Variants in ATXN1 observed in about 807,000 individuals in gnomAD.
ATXN1 encodes the protein ataxin 1, also known as ataxin-1.
Under a neutral mutation model 56.4 loss-of-function variants are expected in ATXN1, and 8 were observed. The ratio of observed to expected loss-of-function variants is 0.14; its 90% CI spans 0.08 to 0.26. ATXN1 has a LOEUF of 0.26. Among genes scored for constraint, ATXN1 ranks in the 10% least tolerant of loss-of-function variants. The pLI, the probability that ATXN1 is intolerant of heterozygous loss-of-function variation, is 1.00. For synonymous variants in ATXN1, 514 were observed against 494.6 expected (o/e 1.04, Z -0.52); for missense variants, 987 against 1,106.5 (o/e 0.89, Z 1.53).
intron 3 of ATXN1, among the ~76,000 whole-genome samples, chr6:16,593,990 CTAAT>C (rs1762769636): frequency 6.8e-6 from 1 of 147,370 alleles, no homozygotes; most frequent in Non-Finnish European, 1.5e-5. Context: ...ATATATTAGA[CTAAT>C]ATATGTCTAT....
At chr6:16,678,976 C>T (rs1581357689) in intron 2 of ATXN1, among the ~76,000 whole-genome samples, 1 of 150,612 alleles carries the variant, frequency 6.6e-6, no homozygotes, top group South Asian at 2.1e-4. Context: ...ACAGAGGTTG[C>T]GGTAAGCCGA....
chr6:16,576,660 T>C (rs1044328256), intron 4 of ATXN1, among the ~76,000 whole-genome samples: 10 of 152,228 alleles, frequency 6.6e-5, no homozygotes, highest in Non-Finnish European at 1.0e-4. Flanking sequence ...TTCTAATTAA[T>C]GTCAATGTGT....
At chr6:16,421,736 A>G (rs1759037773) in intron 6 of ATXN1, among the ~76,000 whole-genome samples, 1 of 148,344 alleles carries the variant, frequency 6.7e-6, no homozygotes, top group Non-Finnish European at 1.5e-5. Flanking sequence ...GTGAGTGCAC[A>G]CAAATGCACA....
At chr6:16,591,100 C>T (rs368062098) in intron 3 of ATXN1, among the ~76,000 whole-genome samples, 2 of 151,488 alleles carry the variant, frequency 1.3e-5, no homozygotes, top group Non-Finnish European at 2.9e-5. Context: ...TGATTACAGG[C>T]GTGAGCCACT....
chr6:16,566,834 C>CTG (rs1762231989), intron 4 of ATXN1, among the ~76,000 whole-genome samples: 1 of 151,838 alleles, frequency 6.6e-6, no homozygotes, highest in Non-Finnish European at 1.5e-5. Flanking sequence ...CCAGCCTGGG[C>CTG]AACAGAGTGA....
chr6:16,331,008 GT>G (rs551329133), intron 6 of ATXN1, among the ~76,000 whole-genome samples: 1 of 149,234 alleles, frequency 6.7e-6, no homozygotes, highest in African/African-American at 2.5e-5. Context: ...CAACCCAGGT[GT>G]TTTTTTTTTG....
At chr6:16,490,183 C>T (rs1021300108) in intron 5 of ATXN1, among the ~76,000 whole-genome samples, 35 of 151,210 alleles carry the variant, frequency 2.3e-4, no homozygotes, top group African/African-American at 8.3e-4. Context: ...ACTTCACACA[C>T]TATATTACCC....
At chr6:16,596,759 T>G (rs946187140) in intron 3 of ATXN1, among the ~76,000 whole-genome samples, 4 of 152,156 alleles carry the variant, frequency 2.6e-5, no homozygotes, top group African/African-American at 9.7e-5. Context: ...GCAGCATTTG[T>G]CAAAGGGGAG....
intron 7 of ATXN1, among the ~76,000 whole-genome samples, chr6:16,314,461 A>G (rs1760466047): frequency 1.3e-5 from 2 of 152,182 alleles, no homozygotes; most frequent in Admixed American, 1.3e-4. Flanking sequence ...CATGCTGTCA[A>G]TGCCAGCGGG....
intron 2 of ATXN1, among the ~76,000 whole-genome samples, chr6:16,708,736 G>A (rs1028360220): frequency 6.6e-6 from 1 of 152,088 alleles, no homozygotes; most frequent in African/African-American, 2.4e-5. Context: ...TATAGAGAAA[G>A]GAAAGCAAGC....
intron 5 of ATXN1, among the ~76,000 whole-genome samples, chr6:16,500,907 C>T (rs1046670706): frequency 6.6e-6 from 1 of 152,192 alleles, no homozygotes; most frequent in African/African-American, 2.4e-5. Context: ...TTATAATAGA[C>T]AAGACACAAT....
intron 5 of ATXN1, among the ~76,000 whole-genome samples, chr6:16,491,297 TTTTTG>T (rs1760659747): frequency 6.9e-6 from 1 of 144,444 alleles, no homozygotes; most frequent in Admixed American, 6.9e-5. Context: ...TTTTTTTTTT[TTTTTG>T]ATACAAGGTT....
chr6:16,537,912 G>A (rs777567997), intron 4 of ATXN1, among the ~76,000 whole-genome samples: 8 of 152,038 alleles, frequency 5.3e-5, no homozygotes, highest in Non-Finnish European at 8.8e-5. Flanking sequence ...AGACCAGCCT[G>A]GCCATCATGG....
chr6:16,628,321 T>C (rs989607719), intron 3 of ATXN1, among the ~76,000 whole-genome samples: 1 of 152,220 alleles, frequency 6.6e-6, no homozygotes, highest in Admixed American at 6.5e-5. Flanking sequence ...ATCCATGGGA[T>C]ATCCACGTGC....
intron 2 of ATXN1, among the ~76,000 whole-genome samples, chr6:16,675,915 A>C (rs1001869161): frequency 6.6e-6 from 1 of 152,138 alleles, no homozygotes; most frequent in African/African-American, 2.4e-5. Flanking sequence ...AATAAAAATA[A>C]AATAAAATTG....
At chr6:16,475,755 C>T (rs900127961) in intron 6 of ATXN1, among the ~76,000 whole-genome samples, 1 of 152,168 alleles carries the variant, frequency 6.6e-6, no homozygotes, top group Non-Finnish European at 1.5e-5. Flanking sequence ...TAGAGAGTAG[C>T]TTGCCACTGG....
rs1169668808 is a variant in ATXN1, at chr6:16,300,327, G to A, written c.*6002C>T. 6.6e-6 allele frequency: 1 copy of A among 152,634 alleles called. No individual in the cohort carries two copies. The highest frequency in any genetic ancestry group is 1.9e-4 in the East Asian group (1 of 5,202). 9.5% of individuals were successfully genotyped at this position (152,634 alleles called of 1,614,324 possible). On this transcript the variant is annotated 3_prime_UTR_variant, in exon 8 of 8. Coordinates refer to ENST00000436367, the MANE Select transcript of ATXN1 (RefSeq NM_001128164.2). ...ATACAGTTGAACCATTTGTATGCAA[G>A]TCATGGGGACATGAAAAACTGAAGC...
chr6:16,623,227 G>A (rs1763350295), intron 3 of ATXN1, among the ~76,000 whole-genome samples: 1 of 152,132 alleles, frequency 6.6e-6, no homozygotes. Flanking sequence ...CACCTAGAAG[G>A]AAAATTGCTG....
intron 5 of ATXN1, among the ~76,000 whole-genome samples, chr6:16,503,367 G>A (rs1760919652): frequency 1.3e-5 from 2 of 152,176 alleles, no homozygotes; most frequent in Non-Finnish European, 2.9e-5. Flanking sequence ...CTGGCCTCAT[G>A]ACAAGTTACC....
Sources: allele counts gnomAD v4.1 joint callset (sites outside exome capture counted in the v4.1 genomes callset), GRCh38; gene constraint gnomAD v4.1.1; transcripts MANE v1.5; gene names NCBI Gene and HGNC (gene_info 2026-07-23, HGNC 2026-07-21).